Variants in RAB40C observed in about 807,000 individuals in gnomAD.
The protein encoded by RAB40C is RAB40C, member RAS oncogene family, also known as ras-related protein Rab-40C.
RAB40C carries 8 observed loss-of-function variants against 28.1 expected under a neutral mutation model. That is an observed-to-expected ratio of 0.28 (90% CI 0.17 to 0.51). RAB40C has a LOEUF of 0.51. Among genes scored for constraint, RAB40C ranks in the 20% least tolerant of loss-of-function variants. RAB40C has a pLI of 0.97. For synonymous variants in RAB40C, 201 were observed against 171.7 expected (o/e 1.17, Z -1.34); for missense variants, 288 against 405.9 (o/e 0.71, Z 2.50).
intron 1 of RAB40C, among the ~76,000 whole-genome samples, chr16:601,909 C>T (rs547380911): frequency 2.0e-5 from 3 of 149,240 alleles, no homozygotes; most frequent in East Asian, 2.0e-4. Context: ...GGGTGGATCA[C>T]GAGGTCAGGA....
intron 1 of RAB40C, chr16:596,387 C>T (rs572250570): frequency 2.4e-5 from 11 of 454,936 alleles, no homozygotes; most frequent in Non-Finnish European, 4.0e-5. Flanking sequence ...GGAGCCCCTG[C>T]GAGCTGGCGT....
At chr16:591,712 C>G (rs1484160793) in intron 1 of RAB40C, among the ~76,000 whole-genome samples, 1 of 152,004 alleles carries the variant, frequency 6.6e-6, no homozygotes. Flanking sequence ...CTGTCTCAGC[C>G]TCCCGAGTAG....
intron 1 of RAB40C, among the ~76,000 whole-genome samples, chr16:592,933 A>C (rs895760357): frequency 1.3e-5 from 2 of 152,192 alleles, no homozygotes; most frequent in Non-Finnish European, 2.9e-5. Flanking sequence ...GTATTGTGTA[A>C]GACGTGGAGA....
chr16:608,131 C>T (rs553152372), intron 1 of RAB40C, among the ~76,000 whole-genome samples: 1 of 152,082 alleles, frequency 6.6e-6, no homozygotes, highest in South Asian at 2.1e-4. Flanking sequence ...CTCACAGTTC[C>T]GCATGGCTGC....
Position 629,164 on chromosome 16 carries a change from C to A in RAB40C, c.*1542C>A. 1 of 206,820 alleles carries A rather than the reference C, an allele frequency of 4.8e-6. No individual in the cohort carries two copies. Among genetic ancestry groups the A allele is most frequent in the African/African-American group, 2.3e-5 (1 of 44,146 alleles). 12.8% of individuals were successfully genotyped at this position (206,820 alleles called of 1,614,324 possible). On this transcript the variant is annotated 3_prime_UTR_variant, in exon 6 of 6. Coordinates refer to ENST00000248139, the MANE Select transcript of RAB40C (RefSeq NM_021168.5). ...ACAGACTTTGAGGACCTGGATGGTC[C>A]TGCATTCACGGCATCAACACTACCC...
At chr16:622,255 C>A (rs2036734216) in intron 3 of RAB40C, among the ~76,000 whole-genome samples, 1 of 152,204 alleles carries the variant, frequency 6.6e-6, no homozygotes, top group Non-Finnish European at 1.5e-5. Context: ...TGCTCAGATG[C>A]ATATTGCCAC....
At chr16:598,872 C>T (rs1054237824) in intron 1 of RAB40C, among the ~76,000 whole-genome samples, 17 of 152,186 alleles carry the variant, frequency 1.1e-4, no homozygotes, top group Non-Finnish European at 2.4e-4. Flanking sequence ...AGGTGTAGGC[C>T]GGGCGGTCAA....
intron 1 of RAB40C, chr16:596,167 C>T (rs765789364): frequency 3.6e-5 from 14 of 388,820 alleles, no homozygotes; most frequent in Non-Finnish European, 5.2e-5. Context: ...TGACTCGTGT[C>T]GAGCACACGT....
chr16:618,138 G>A (rs2036626932), intron 2 of RAB40C, 62 bp from the exon 3 acceptor site: 1 of 1,531,406 alleles, frequency 6.5e-7, no homozygotes, highest in East Asian at 2.3e-5. Flanking sequence ...GCAGAGGAGG[G>A]AAGGAGGTGA....
At chr16:608,005 C>T (rs1472067667) in intron 1 of RAB40C, among the ~76,000 whole-genome samples, 1 of 152,090 alleles carries the variant, frequency 6.6e-6, no homozygotes, top group African/African-American at 2.4e-5. Context: ...TGCCCGTCCC[C>T]ACCTCCCTCC....
At chr16:614,618 G>A (rs75168193) in intron 1 of RAB40C, among the ~76,000 whole-genome samples, 10,633 of 117,794 alleles carry the variant, frequency 0.09, 98 homozygotes, top group South Asian at 0.13. Context: ...ACCACATCCC[G>A]ATGGTGAACT....
chr16:593,353 C>T (rs1406712229), intron 1 of RAB40C, among the ~76,000 whole-genome samples: 1 of 152,248 alleles, frequency 6.6e-6, no homozygotes, highest in African/African-American at 2.4e-5. Flanking sequence ...GTAGCAGGAG[C>T]TTTAGGCCTC....
At position 610,679 on chromosome 16, in the gene RAB40C, C is replaced by T. The variant is rs765090615; in HGVS notation, c.143-6529C>T. Among the ~76,000 whole-genome samples the T allele has an allele frequency of 2.6e-5, 4 of 152,142 alleles. No individual in the cohort carries two copies. Among genetic ancestry groups the T allele is most frequent in the African/African-American group, 4.8e-5 (2 of 41,436 alleles). ...CCTGCCCCTGCGCCGTCCCCCAGCGCGGGCTCCAGGCCTCTCCTGGGTCAC... is the reference window on the plus strand; with the variant it reads ...CCTGCCCCTGCGCCGTCCCCCAGCGTGGGCTCCAGGCCTCTCCTGGGTCAC... On this transcript the variant is annotated intron_variant, in intron 1 of 5. Transcript: ENST00000248139. The surrounding 1 kb of genome is among the most constrained non-coding windows in gnomAD (Gnocchi z 4.6).
intron 1 of RAB40C, among the ~76,000 whole-genome samples, chr16:613,652 C>T (rs1268669634): frequency 6.6e-6 from 1 of 152,218 alleles, no homozygotes; most frequent in East Asian, 1.9e-4. Flanking sequence ...AATGTCTATT[C>T]AAGTCCTTTG....
At chr16:593,779 C>G (rs1249276402) in intron 1 of RAB40C, among the ~76,000 whole-genome samples, 1 of 152,222 alleles carries the variant, frequency 6.6e-6, no homozygotes, top group Non-Finnish European at 1.5e-5. Context: ...GTTTCTGGAT[C>G]TCTAGGTCTG....
rs1217215430 is a variant in RAB40C at position 627,769 on chromosome 16, G to GT, written c.*147_*148insT. 2.1e-4 allele frequency: 218 copies of GT among 1,056,934 alleles called. 1 individual carries two copies. In the African/African-American group the frequency reaches 3.3e-3, roughly 16 times the overall value. 65.5% of individuals were successfully genotyped at this position (1,056,934 alleles called of 1,614,324 possible). On this transcript the variant is annotated 3_prime_UTR_variant, in exon 6 of 6. Coordinates refer to ENST00000248139, the MANE Select transcript of RAB40C (RefSeq NM_021168.5). ...GGCTTTCCTCACACCTGAGCCGGGT[G>GT]CGAGGAGGAGCATGCACGGACCAAG... is the stretch of plus-strand genomic sequence containing the variant.
intron 1 of RAB40C, 107 bp from the exon 2 acceptor site, chr16:617,101 C>A: frequency 8.5e-7 from 1 of 1,179,654 alleles, no homozygotes; most frequent in Non-Finnish European, 1.3e-6. Flanking sequence ...GCTGCTTCTC[C>A]ACTTCCGCGT....
At chr16:607,406 G>A (rs1302134449) in intron 1 of RAB40C, among the ~76,000 whole-genome samples, 3 of 151,776 alleles carry the variant, frequency 2.0e-5, no homozygotes, top group African/African-American at 7.3e-5. Context: ...GGGAGGCTGA[G>A]GCAGGAGAAT....
chr16:607,397 G>C (rs1364851905), intron 1 of RAB40C, among the ~76,000 whole-genome samples: 1 of 151,958 alleles, frequency 6.6e-6, no homozygotes, highest in Admixed American at 6.6e-5. Flanking sequence ...CAGCTACTCG[G>C]GAGGCTGAGG....
Sources: allele counts gnomAD v4.1 joint callset (sites outside exome capture counted in the v4.1 genomes callset), GRCh38; gene constraint gnomAD v4.1.1; non-coding constraint Gnocchi (gnomAD v3.1); transcripts MANE v1.5; gene names NCBI Gene and HGNC (gene_info 2026-07-23, HGNC 2026-07-21).